The following C2orf15 variants were observed in gnomAD, a reference collection of about 807,000 sequenced individuals.
C2orf15 encodes the protein uncharacterized protein C2orf15.
C2orf15 carries 3 observed loss-of-function variants against 4.4 expected under a neutral mutation model. The ratio of observed to expected loss-of-function variants is 0.67; its 90% CI spans 0.31 to 1.74. The LOEUF is 1.74. Ranked by LOEUF, C2orf15 falls within the 40% of genes most tolerant of loss-of-function variation. C2orf15 has a pLI of 0.09. For synonymous variants in C2orf15, 37 were observed against 36.8 expected, an observed-to-expected ratio of 1.00 and a Z score of -0.02; for missense variants, 90 against 103.3, an observed-to-expected ratio of 0.87 and a Z score of 0.56.
chr2:99,150,744 G>A lies in C2orf15; in HGVS notation c.186G>A (p.Gly62=). The A allele has an allele frequency of 6.2e-7, 1 of 1,613,942 alleles. No homozygotes were observed. Residue 62 remains glycine, a synonymous_variant, in exon 4 of 4, where the codon GGG becomes GGA. Coordinates refer to ENST00000650052, the MANE Select transcript of C2orf15 (RefSeq NM_144706.4). ...AAGAAAACTTTACAAGGATTGAAGG[G>A]ACTGGCACAGGATCTCTTTCTGGGA... ...TNQENFTRIE[G]TGTGSLSGKA...
chr2:99,143,708 G>C (rs923348030), intron 2 of C2orf15, among the ~76,000 whole-genome samples: 1 of 151,910 alleles, frequency 6.6e-6, no homozygotes, highest in Non-Finnish European at 1.5e-5. Context: ...CTGGACTCAA[G>C]TGATCCACCC....
rs77141720 is a variant in C2orf15 at position 99,149,201 on chromosome 2, G to A, written c.-76-1282G>A. Among the ~76,000 whole-genome samples the A allele has an allele frequency of 3.2e-3, 478 of 149,812 alleles. 15 individuals carry two copies. The East Asian group carries it at 0.077, about 24-fold the overall frequency. ...AAAAAAAAAATGGGTGAGGGATTTC[G>A]ATCGAAGCTGTGGAATCTGCTCCAG... is the stretch of plus-strand genomic sequence containing the variant. On this transcript the variant is annotated intron_variant, in intron 3 of 3. Coordinates refer to ENST00000650052, the MANE Select transcript of C2orf15 (RefSeq NM_144706.4).
Position 99,150,487 on chromosome 2 carries a change from C to A in C2orf15, c.-72C>A. 8.6e-6 allele frequency: 12 copies of A among 1,393,740 alleles called. No homozygotes were observed. The highest frequency in any genetic ancestry group is 2.5e-5 in the East Asian group (1 of 40,614). The allele number at this position is 1,393,740 out of a possible 1,614,324, so 86.3% of individuals were successfully genotyped here. ...TACTTTTTTTTTTTTTTTCAGTAAT[C>A]AAGTTGAAGAAACACTTCCACTACT... On this transcript the variant is annotated 5_prime_UTR_variant, in exon 4 of 4. Coordinates refer to ENST00000650052, the MANE Select transcript of C2orf15 (RefSeq NM_144706.4).
Position 99,150,887 on chromosome 2 carries a change from G to A in C2orf15, c.*53G>A. 8.4e-7 allele frequency: 1 copy of A among 1,186,794 alleles called. No homozygotes were observed. The highest frequency in any genetic ancestry group is 1.5e-5 in the South Asian group (1 of 66,826). The allele number at this position is 1,186,794 out of a possible 1,614,324, so 73.5% of individuals were successfully genotyped here. On this transcript the variant is annotated 3_prime_UTR_variant, in exon 4 of 4. Transcript: ENST00000650052. ...CCAAAAACTGCCTTTGACTAAGGGG[G>A]GTGTTGAAAGAGAACTTAACCTTAT... is the stretch of plus-strand genomic sequence containing the variant.
intron 2 of C2orf15, among the ~76,000 whole-genome samples, chr2:99,145,146 G>A (rs946540510): frequency 6.6e-6 from 1 of 152,126 alleles, no homozygotes; most frequent in Non-Finnish European, 1.5e-5. Context: ...AGCTTCTACT[G>A]GCAGCCCATG....
intron 3 of C2orf15, chr2:99,148,312 T>C (rs961423086): frequency 1.3e-5 from 2 of 152,224 alleles, no homozygotes; most frequent in Non-Finnish European, 2.9e-5. Flanking sequence ...AGATATTCCT[T>C]TGATGAGGAA....
chr2:99,143,133 CTTTTTTTTTTTTT>C (rs10605521), intron 2 of C2orf15, among the ~76,000 whole-genome samples: 4 of 82,154 alleles, frequency 4.9e-5, no homozygotes, highest in Admixed American at 1.6e-4. Context: ...CCAACTAAAC[CTTTTTTTTTTTTT>C]TTTTTTTTTT....
At chr2:99,144,476 G>A (rs2093611454) in intron 2 of C2orf15, among the ~76,000 whole-genome samples, 1 of 151,514 alleles carries the variant, frequency 6.6e-6, no homozygotes, top group African/African-American at 2.4e-5. Context: ...ATTGCTTCAT[G>A]TGTTTTGTGT....
At position 99,150,596 on chromosome 2, in the gene C2orf15, C is replaced by G; in HGVS notation, c.38C>G (p.Ser13Cys). 6.2e-7 allele frequency: 1 copy of G among 1,613,648 alleles called. No homozygotes were observed. The highest frequency in any genetic ancestry group is 8.5e-7 in the Non-Finnish European group (1 of 1,179,804). ...CTTAGTAAATCTGCTACTCAGGTATCTGCTATACATATGGATTCAAAAGTG... is the reference window on the plus strand; with the variant it reads ...CTTAGTAAATCTGCTACTCAGGTATGTGCTATACATATGGATTCAAAAGTG... The part of the protein sequence containing the change: ...FSLSKSATQV[S>C]AIHMDSKVDD... The change falls in exon 4 of 4, where the codon TCT (serine) becomes TGT (cysteine). Residue 13 changes from serine to cysteine, a missense_variant. Transcript: ENST00000650052.
At chr2:99,150,331 C>A in intron 3 of C2orf15, 152 bp from the exon 4 acceptor site, 3 of 500,998 alleles carry the variant, frequency 6.0e-6, no homozygotes, top group South Asian at 3.5e-5. Flanking sequence ...ACCTGCAAAC[C>A]CTCCCACAAA....
chr2:99,148,482 T>C (rs568280663), intron 3 of C2orf15: 12 of 152,322 alleles, frequency 7.9e-5, no homozygotes, highest in African/African-American at 2.4e-4. Context: ...GAGTAAGTAC[T>C]ATATTTAGGC....
At chr2:99,144,082 G>A (rs1347603765) in intron 2 of C2orf15, among the ~76,000 whole-genome samples, 1 of 151,896 alleles carries the variant, frequency 6.6e-6, no homozygotes, top group African/African-American at 2.4e-5. Context: ...GTGCAGTGGC[G>A]CGATCTCCGC....
intron 2 of C2orf15, among the ~76,000 whole-genome samples, chr2:99,144,670 A>T (rs75753753): frequency 8.6e-5 from 13 of 151,516 alleles, no homozygotes; most frequent in African/African-American, 2.9e-4. Context: ...AAAAAAAAAA[A>T]AGATGCTGAA....
chr2:99,145,084 G>A (rs906427458), intron 2 of C2orf15, among the ~76,000 whole-genome samples: 3 of 152,176 alleles, frequency 2.0e-5, no homozygotes, highest in Non-Finnish European at 2.9e-5. Context: ...TGTCAGGCAG[G>A]TCTACATTCC....
At chr2:99,146,216 G>A (rs766275370) in intron 2 of C2orf15, among the ~76,000 whole-genome samples, 11 of 152,206 alleles carry the variant, frequency 7.2e-5, no homozygotes, top group Non-Finnish European at 1.2e-4. Flanking sequence ...CCAGAAAGGC[G>A]GAGGTTGCAA....
In C2orf15 at chr2:99,143,298, C is replaced by T. The variant is rs114434501; in HGVS notation, c.-169+897C>T. Reference sequence around the variant, plus strand: ...CTAGGACTACAGGCGCCCACTACTACGCCCAGCTTTTTTTTTGTTTGTTTT... The same window carrying T: ...CTAGGACTACAGGCGCCCACTACTATGCCCAGCTTTTTTTTTGTTTGTTTT... On this transcript the variant is annotated intron_variant, in intron 2 of 3. Coordinates refer to ENST00000650052, the MANE Select transcript of C2orf15 (RefSeq NM_144706.4). 9.9e-3 allele frequency among the ~76,000 whole-genome samples: 1,464 copies of T among 148,394 alleles called. 13 individuals are homozygous for T. The highest frequency in any genetic ancestry group is 0.034 in the African/African-American group (1,390 of 40,812).
intron 2 of C2orf15, among the ~76,000 whole-genome samples, chr2:99,143,193 G>T (rs893212012): frequency 1.4e-5 from 2 of 139,026 alleles, no homozygotes; most frequent in Admixed American, 1.5e-4. Flanking sequence ...CCAGGCTGGA[G>T]TGCAGTGGCA....
intron 1 of C2orf15, 167 bp downstream of exon 1, chr2:99,142,104 A>T (rs949742208): frequency 2.0e-5 from 3 of 152,214 alleles, no homozygotes; most frequent in Non-Finnish European, 4.4e-5. Flanking sequence ...CCTCACCTTA[A>T]AGTGACAAAT....
intron 2 of C2orf15, among the ~76,000 whole-genome samples, chr2:99,145,049 G>C (rs1371934825): frequency 6.6e-6 from 1 of 152,096 alleles, no homozygotes; most frequent in Non-Finnish European, 1.5e-5. Flanking sequence ...AGTTCAAATT[G>C]GGTCTCACTG....
Sources: gnomAD v4.1 joint callset for allele counts (sites outside exome capture counted in the v4.1 genomes callset) on GRCh38, gnomAD v4.1.1 for gene constraint, MANE v1.5 for transcripts, NCBI Gene and HGNC (gene_info 2026-07-23, HGNC 2026-07-21) for gene names.